YAF2: variants seen among roughly 807,000 people sequenced by gnomAD.
YAF2 encodes YY1 associated factor 2, also known as YY1-associated factor 2.
In YAF2, 7 loss-of-function variants were observed where a neutral mutation model predicts 20.1. That is an observed-to-expected ratio of 0.35 (90% CI 0.20 to 0.65). The LOEUF is 0.65. YAF2 is among the 30% of genes least tolerant of loss of function. The pLI, the probability that YAF2 is intolerant of heterozygous loss-of-function variation, is 0.69. For synonymous variants in YAF2, 74 were observed against 76.0 expected (o/e 0.97, Z 0.14); for missense variants, 151 against 219.2 (o/e 0.69, Z 1.96).
chr12:42,233,829 T>C, intron 2 of YAF2: 1 of 985,426 alleles, frequency 1.0e-6, no homozygotes, highest in Non-Finnish European at 1.2e-6. Flanking sequence ...ATCCTTAATT[T>C]CCTAAAGTTT....
At chr12:42,199,254 A>G (rs1043902129) in intron 2 of YAF2, 12 of 1,269,482 alleles carry the variant, frequency 9.5e-6, no homozygotes, top group Non-Finnish European at 1.2e-5. Flanking sequence ...AGGGTTACAG[A>G]GTAAGAAAGA....
At chr12:42,199,056 G>T in intron 2 of YAF2, 1 of 721,358 alleles carries the variant, frequency 1.4e-6, no homozygotes, top group Non-Finnish European at 1.9e-6. Context: ...ATTTAATATT[G>T]TTTGTTCCTT....
At chr12:42,162,469 G>T (rs989016763) in intron 2 of YAF2, among the ~76,000 whole-genome samples, 10 of 152,154 alleles carry the variant, frequency 6.6e-5, no homozygotes, top group Admixed American at 4.6e-4. Context: ...GTCCAGCTTT[G>T]CCACAGAACT....
intron 2 of YAF2, chr12:42,234,396 A>G: frequency 1.0e-6 from 1 of 985,272 alleles, no homozygotes. Flanking sequence ...CTGAAAAATG[A>G]CCTGTTGGGT....
intron 2 of YAF2, among the ~76,000 whole-genome samples, chr12:42,205,221 C>T (rs2067006594): frequency 6.6e-6 from 1 of 151,678 alleles, no homozygotes; most frequent in African/African-American, 2.4e-5. Context: ...TTAGCGATTT[C>T]TTATAATTTT....
At chr12:42,196,910 G>A (rs1288808744) in intron 2 of YAF2, among the ~76,000 whole-genome samples, 1 of 152,134 alleles carries the variant, frequency 6.6e-6, no homozygotes, top group Non-Finnish European at 1.5e-5. Context: ...GTCTGACTGG[G>A]ACCTCAAGGC....
At chr12:42,228,213 C>CTCT (rs2067823865) in intron 2 of YAF2, among the ~76,000 whole-genome samples, 1 of 89,970 alleles carries the variant, frequency 1.1e-5, no homozygotes, top group Non-Finnish European at 2.2e-5. Context: ...GTCGGCCCCC[C>CTCT]GCCCGGCCAG....
intron 2 of YAF2, chr12:42,212,498 G>GA: frequency 2.3e-6 from 1 of 439,492 alleles, no homozygotes; most frequent in Non-Finnish European, 4.5e-6. Flanking sequence ...TGGAAACAAA[G>GA]AAAGTGTATA....
rs71084623 is a variant in YAF2, at chr12:42,209,563, C to CAAA, written c.152+28033_152+28035dup. ...TGGGCGATAGAGCCAGACTTTGTCT[C>CAAA]AAAAAAAAAAAAAAAAAAAAAAAAA... On this transcript the variant is annotated intron_variant, in intron 2 of 3. Transcript: ENST00000534854. 6.1e-4 allele frequency among the ~76,000 whole-genome samples: 17 copies of CAAA among 27,780 alleles called. 2 individuals carry two copies. Among genetic ancestry groups the CAAA allele is most frequent in the Non-Finnish European group, 6.7e-4 (9 of 13,426 alleles). 18.2% of individuals were successfully genotyped at this position (27,780 alleles called of 152,430 possible). A position where few individuals can be genotyped will look rare whatever the true frequency, so the allele number is the denominator to read the frequency against.
chr12:42,221,402 C>T (rs1273474950), intron 2 of YAF2, among the ~76,000 whole-genome samples: 1 of 152,036 alleles, frequency 6.6e-6, no homozygotes, highest in African/African-American at 2.4e-5. Context: ...AAGACCTCAT[C>T]TCTACAAAAA....
chr12:42,178,501 T>C (rs1243562438), intron 2 of YAF2, among the ~76,000 whole-genome samples: 4 of 152,230 alleles, frequency 2.6e-5, no homozygotes, highest in Non-Finnish European at 5.9e-5. Flanking sequence ...TACTCTAGTA[T>C]TATCGTCATC....
chr12:42,232,865 TCA>T (rs1285799769), intron 2 of YAF2: 1 of 985,196 alleles, frequency 1.0e-6, no homozygotes, highest in African/African-American at 1.7e-5. Flanking sequence ...AATACTGTGT[TCA>T]GTTATAAACA....
chr12:42,182,118 C>T (rs916019588), intron 2 of YAF2, among the ~76,000 whole-genome samples: 2 of 151,550 alleles, frequency 1.3e-5, no homozygotes, highest in Non-Finnish European at 2.9e-5. Context: ...TGAATTATTT[C>T]ACAAAAAAAG....
chr12:42,226,603 G>T (rs73281897), intron 2 of YAF2, among the ~76,000 whole-genome samples: 2,752 of 152,230 alleles, frequency 0.018, 83 homozygotes, highest in African/African-American at 0.062. Context: ...GGTTGAGGCT[G>T]CAGTAAGCTA....
intron 2 of YAF2, among the ~76,000 whole-genome samples, chr12:42,192,945 A>T (rs2066652486): frequency 1.3e-5 from 2 of 152,352 alleles, no homozygotes; most frequent in South Asian, 4.1e-4. Flanking sequence ...AGCTGTCATA[A>T]CATCACATAG....
intron 2 of YAF2, among the ~76,000 whole-genome samples, chr12:42,182,969 T>C (rs1370663926): frequency 3.9e-5 from 6 of 152,212 alleles, no homozygotes; most frequent in African/African-American, 1.2e-4. Flanking sequence ...AGCAAGGCTA[T>C]TGGCGCCATT....
intron 2 of YAF2, among the ~76,000 whole-genome samples, chr12:42,206,038 T>C (rs900372674): frequency 6.6e-6 from 1 of 152,128 alleles, no homozygotes. Context: ...ATCTATCCTC[T>C]AAGTGTCATC....
intron 2 of YAF2, among the ~76,000 whole-genome samples, chr12:42,184,437 G>C (rs1365056456): frequency 6.6e-6 from 1 of 152,156 alleles, no homozygotes; most frequent in Non-Finnish European, 1.5e-5. Context: ...AGTCTCCTGA[G>C]TAGCTGGGAC....
intron 2 of YAF2, among the ~76,000 whole-genome samples, chr12:42,224,557 G>T (rs1000347459): frequency 6.6e-6 from 1 of 151,586 alleles, no homozygotes; most frequent in African/African-American, 2.4e-5. Flanking sequence ...GCCCCCGTGT[G>T]TGATGTTCCC....
Sources: gnomAD v4.1 joint callset for allele counts (sites outside exome capture counted in the v4.1 genomes callset) on GRCh38, gnomAD v4.1.1 for gene constraint, MANE v1.5 for transcripts, NCBI Gene and HGNC (gene_info 2026-07-23, HGNC 2026-07-21) for gene names.